DPH3: variants seen among roughly 807,000 people sequenced by gnomAD.
The protein encoded by DPH3 is diphthamide biosynthesis protein 3.
Under a neutral mutation model 10.2 loss-of-function variants are expected in DPH3, and 8 were observed. The observed-to-expected ratio is 0.79, with a 90% CI of 0.46 to 1.42. The LOEUF is 1.42. Ranked by LOEUF, DPH3 falls within the 40% of genes most tolerant of loss-of-function variation. The pLI is 0.00. For missense variants in DPH3, 96 were observed against 98.9 expected (o/e 0.97, Z 0.12); for synonymous variants, 35 against 35.6 (o/e 0.98, Z 0.06).
At position 16,263,260 on chromosome 3, in the gene DPH3, C is replaced by T. The variant is rs2064315224; in HGVS notation, c.183+895G>A. On this transcript the variant is annotated intron_variant, in intron 2 of 2. Transcript: ENST00000488423. The surrounding 1 kb of genome is among the most constrained non-coding windows in gnomAD (Gnocchi z 4.0). ...CCTGTCTTAGGTCCCCTTCACTGAA[C>T]GATCCTTTGCTCGACTCTCTTACCT... Among the ~76,000 whole-genome samples the T allele has an allele frequency of 1.3e-5, 2 of 152,106 alleles. No homozygotes were observed. Among genetic ancestry groups the T allele is most frequent in the Admixed American group, 6.5e-5 (1 of 15,272 alleles).
intron 1 of DPH3, 114 bp downstream of exon 1, chr3:16,264,655 G>A (rs1020219914): frequency 2.8e-5 from 29 of 1,026,120 alleles, no homozygotes; most frequent in Non-Finnish European, 3.7e-5. Context: ...ATTCAGCAAC[G>A]GGAAAGAGGG....
rs1438249669 is a variant in DPH3, at chr3:16,263,339, A to G, written c.183+816T>C. Among the ~76,000 whole-genome samples the G allele has an allele frequency of 6.6e-6, 1 of 152,088 alleles. No individual in the cohort carries two copies. The highest frequency in any genetic ancestry group is 1.5e-5 in the Non-Finnish European group (1 of 68,016). ...CCTCACCTCCTTCAAATCTTTACCT[A>G]TTAAGGCCTTTCTCAGTAAGGCCTG... On this transcript the variant is annotated intron_variant, in intron 2 of 2. Transcript: ENST00000488423. The surrounding 1 kb of genome is among the most constrained non-coding windows in gnomAD (Gnocchi z 4.0).
rs565962201 is a variant in DPH3 at position 16,257,911 on chromosome 3, C to T, written c.*2853G>A. The T allele has an allele frequency of 6.6e-6, 1 of 152,300 alleles. No homozygotes were observed. The highest frequency in any genetic ancestry group is 1.9e-4 in the East Asian group (1 of 5,194). The allele number at this position is 152,300 out of a possible 1,614,324, so 9.4% of individuals were successfully genotyped here. A position where few individuals can be genotyped will look rare whatever the true frequency, so the allele number is the denominator to read the frequency against. On this transcript the variant is annotated 3_prime_UTR_variant, in exon 3 of 3. Coordinates refer to ENST00000488423, the MANE Select transcript of DPH3 (RefSeq NM_206831.3). The stretch of plus-strand genomic sequence containing the variant: ...CCCAAAGCAGTTAAGATTTCTACCT[C>T]ATATAAAATCATAAACATTTTAATT...
At position 16,261,742 on chromosome 3, in the gene DPH3, T is replaced by C. The variant is rs767318673; in HGVS notation, c.184-913A>G. On this transcript the variant is annotated intron_variant, in intron 2 of 2. Transcript: ENST00000488423. This position sits in a 1 kb window ranked among gnomAD's most constrained non-coding sequence, Gnocchi z 7.1. ...AAGGACAGTTTCCCCTACAAGCCCA[T>C]CTAGTGGAGGCTCTGTGTTCTCAGA... Among the ~76,000 whole-genome samples, 47 of 152,290 alleles carry C rather than the reference T, an allele frequency of 3.1e-4. No individual in the cohort carries two copies. In the Middle Eastern group the frequency reaches 0.024, roughly 77 times the overall value.
rs769183148 is a variant in DPH3 at position 16,260,776 on chromosome 3, T to C, written c.237A>G (p.Leu79=). The part of the protein sequence containing the change: ...TVPAPSANKE[L]VKC ...CCTGAAGGCTTCTTCAGCATTTAAC[T>C]AATTCTTTGTTGGCTGAAGGGGCTG... The change falls in exon 3 of 3, where the codon TTA becomes TTG. Residue 79 remains leucine (L), a synonymous_variant. Coordinates refer to ENST00000488423, the MANE Select transcript of DPH3 (RefSeq NM_206831.3). The C allele has an allele frequency of 6.2e-7, 1 of 1,613,706 alleles. No homozygotes were observed. Among genetic ancestry groups the C allele is most frequent in the South Asian group, 1.1e-5 (1 of 90,958 alleles).
rs2064275744 is a variant in DPH3 at position 16,259,200 on chromosome 3, G to A, written c.*1564C>T. 6.6e-6 allele frequency: 1 copy of A among 152,224 alleles called. No homozygotes were observed. The highest frequency in any genetic ancestry group is 6.5e-5 in the Admixed American group (1 of 15,294). 9.4% of individuals were successfully genotyped at this position (152,224 alleles called of 1,614,324 possible). On this transcript the variant is annotated 3_prime_UTR_variant, in exon 3 of 3. Transcript: ENST00000488423. ...GTCACTTTGCTTTTGCAAAGCAGTT[G>A]TGGATTACTTCTGGGATGTCAGTGT...
In DPH3 at chr3:16,264,768, C is replaced by A. The variant is rs2064373233; in HGVS notation, c.108+1G>T. The A allele has an allele frequency of 1.9e-6, 3 of 1,614,026 alleles. No homozygotes were observed. Among genetic ancestry groups the A allele is most frequent in the African/African-American group, 1.3e-5 (1 of 75,044 alleles). ...ACCGCCGGGCGGGACCCTGAAGTTA[C>A]CTTGGTGATGGAGAAGTTATCTCCA... On this transcript the variant is annotated splice_donor_variant, in intron 1 of 2. Coordinates refer to ENST00000488423, the MANE Select transcript of DPH3 (RefSeq NM_206831.3). LOFTEE classifies it high-confidence loss of function.
At chr3:16,264,738 G>A (rs1160124084) in intron 1 of DPH3, 31 bp downstream of exon 1, 7 of 1,608,978 alleles carry the variant, frequency 4.4e-6, no homozygotes, top group Non-Finnish European at 5.9e-6. Flanking sequence ...CGCTTGCTTG[G>A]GTGAACCGCC....
rs1456193255 is a variant in DPH3 at position 16,259,704 on chromosome 3, G to C, written c.*1060C>G. The C allele has an allele frequency of 6.6e-6, 1 of 152,156 alleles. No homozygotes were observed. Among genetic ancestry groups the C allele is most frequent in the African/African-American group, 2.4e-5 (1 of 41,414 alleles). The allele number at this position is 152,156 out of a possible 1,614,324, so 9.4% of individuals were successfully genotyped here. A position where few individuals can be genotyped will look rare whatever the true frequency, so the allele number is the denominator to read the frequency against. ...ATGTCTGGTTTGGCTGCATGTTATA[G>C]AGGCTTATTAAATATGCTCTCATGG... On this transcript the variant is annotated 3_prime_UTR_variant, in exon 3 of 3. Transcript: ENST00000488423.
chr3:16,260,598 T>A lies in DPH3; in HGVS notation c.*166A>T. Reference sequence around the variant, plus strand: ...CACAAAATCCAGATATGTCATGTTATGGACTTGCTTCCTGAAGATGATATC... The same window carrying A: ...CACAAAATCCAGATATGTCATGTTAAGGACTTGCTTCCTGAAGATGATATC... On this transcript the variant is annotated 3_prime_UTR_variant, in exon 3 of 3. Coordinates refer to ENST00000488423, the MANE Select transcript of DPH3 (RefSeq NM_206831.3). 3.6e-6 allele frequency: 2 copies of A among 554,862 alleles called. No individual in the cohort carries two copies. Among genetic ancestry groups the A allele is most frequent in the Admixed American group, 6.2e-5 (2 of 32,456 alleles). The allele number at this position is 554,862 out of a possible 1,614,324, so 34.4% of individuals were successfully genotyped here.
rs1484327365 is a variant in DPH3 at position 16,258,365 on chromosome 3, A to AAGAGACATAGCCTGGCT, written c.*2398_*2399insAGCCAGGCTATGTCTCT. On this transcript the variant is annotated 3_prime_UTR_variant, in exon 3 of 3. Coordinates refer to ENST00000488423, the MANE Select transcript of DPH3 (RefSeq NM_206831.3). ...GGCCTTGCCAAAGATTACGAAGCTA[A>AAGAGACATAGCCTGGCT]AAAGAGACATAGCCTGGATTACAAG... The AAGAGACATAGCCTGGCT allele has an allele frequency of 3.7e-5, 2 of 54,026 alleles. No individual in the cohort carries two copies. Among genetic ancestry groups the AAGAGACATAGCCTGGCT allele is most frequent in the African/African-American group, 1.1e-4 (2 of 18,070 alleles). 3.3% of individuals were successfully genotyped at this position (54,026 alleles called of 1,614,324 possible). A position where few individuals can be genotyped will look rare whatever the true frequency, so the allele number is the denominator to read the frequency against.
intron 1 of DPH3, 41 bp downstream of exon 1, chr3:16,264,713 GGCGGAACCAAACTGC>G: frequency 6.5e-7 from 1 of 1,549,220 alleles, no homozygotes; most frequent in Non-Finnish European, 8.9e-7. Context: ...GGAAGGAACG[GGCGGAACCAAACTGC>G]GCTTGCTTGG....
intron 1 of DPH3, 71 bp downstream of exon 1, chr3:16,264,698 A>G (rs991226889): frequency 3.2e-5 from 46 of 1,457,246 alleles, no homozygotes; most frequent in Middle Eastern, 2.1e-4. Context: ...AGGCTACCCA[A>G]TGATGGAAGG....
chr3:16,260,807 G>A lies in DPH3; in HGVS notation c.206C>T (p.Thr69Ile), dbSNP rs769909136. ...TTTGTTGGCTGAAGGGGCTGGGACT[G>A]TTTCTCCACACACAAACTGATCCTA... The part of the protein sequence containing the change: ...YDKDQFVCGE[T>I]VPAPSANKEL... The change falls in exon 3 of 3, where the codon ACA (threonine) becomes ATA (isoleucine). Residue 69 changes from threonine (T) to isoleucine (I), a missense_variant. Thr to Ile is a moderately conservative substitution (Grantham distance 89). Coordinates refer to ENST00000488423, the MANE Select transcript of DPH3 (RefSeq NM_206831.3). 8 of 1,613,810 alleles carry A rather than the reference G, an allele frequency of 5.0e-6. No homozygotes were observed. Among genetic ancestry groups the A allele is most frequent in the South Asian group, 2.2e-5 (2 of 91,012 alleles).
At chr3:16,264,609 G>A (rs1284141527) in intron 1 of DPH3, 160 bp downstream of exon 1, 4 of 706,280 alleles carry the variant, frequency 5.7e-6, no homozygotes, top group Non-Finnish European at 9.5e-6. Context: ...AGAGCTCAGG[G>A]CATTAGTTGG....
In DPH3 at chr3:16,260,725, C is replaced by T. The variant is rs375231155; in HGVS notation, c.*39G>A. On this transcript the variant is annotated 3_prime_UTR_variant, in exon 3 of 3. Transcript: ENST00000488423. ...TGCATTCGATATTTCTATCTGGGCT[C>T]ATTCCAAATGTTCAGGATTTGGATT... is the stretch of plus-strand genomic sequence containing the variant. The T allele has an allele frequency of 1.3e-6, 2 of 1,566,182 alleles. No homozygotes were observed. The highest frequency in any genetic ancestry group is 1.4e-5 in the African/African-American group (1 of 73,990).
Position 16,260,499 on chromosome 3 carries a change from A to G in DPH3, c.*265T>C. ...GAAAATGATGAAACCAAGGGAAAGA[A>G]AGCACTGTTTTGAAATTATCTTCTT... On this transcript the variant is annotated 3_prime_UTR_variant, in exon 3 of 3. Transcript: ENST00000488423. 3 of 390,480 alleles carry G rather than the reference A, an allele frequency of 7.7e-6. No homozygotes were observed. The highest frequency in any genetic ancestry group is 1.4e-5 in the Non-Finnish European group (3 of 214,010). The allele number at this position is 390,480 out of a possible 1,614,324, so 24.2% of individuals were successfully genotyped here. A position where few individuals can be genotyped will look rare whatever the true frequency, so the allele number is the denominator to read the frequency against.
Position 16,264,194 on chromosome 3 carries a change from A to G in DPH3, c.144T>C (p.Cys48=). 6.2e-7 allele frequency: 1 copy of G among 1,611,654 alleles called. No individual in the cohort carries two copies. The highest frequency in any genetic ancestry group is 8.5e-7 in the Non-Finnish European group (1 of 1,178,274). ...CTTTTATAATGAGAGAGCAGCTAGG[A>G]CACGTTGCCACGTCTTCCCCATTCT... ...DLENGEDVAT[C]PSCSLIIKVI... The change falls in exon 2 of 3, where the codon TGT becomes TGC. Residue 48 remains cysteine (C), a synonymous_variant. Transcript: ENST00000488423.
Position 16,263,552 on chromosome 3 carries a change from T to C in DPH3, c.183+603A>G, listed in dbSNP as rs1414909276. Among the ~76,000 whole-genome samples, 1 of 152,230 alleles carries C rather than the reference T, an allele frequency of 6.6e-6. No homozygotes were observed. The highest frequency in any genetic ancestry group is 6.5e-5 in the Admixed American group (1 of 15,284). On this transcript the variant is annotated intron_variant, in intron 2 of 2. Transcript: ENST00000488423. The surrounding 1 kb of genome is among the most constrained non-coding windows in gnomAD (Gnocchi z 4.0). ...TGCCTCATCCCCACTTTCCCTATAT[T>C]CATTTTGGACTTCATCCTTGAGAGT...
Sources: allele counts gnomAD v4.1 joint callset (sites outside exome capture counted in the v4.1 genomes callset), GRCh38; gene constraint gnomAD v4.1.1; non-coding constraint Gnocchi (gnomAD v3.1); transcripts MANE v1.5; gene names NCBI Gene and HGNC (gene_info 2026-07-23, HGNC 2026-07-21).